EPS8: variants seen among roughly 807,000 people sequenced by gnomAD.
The protein encoded by EPS8 is EGFR pathway substrate 8, signaling adaptor, also known as epidermal growth factor receptor kinase substrate 8.
A neutral mutation model predicts 103.8 loss-of-function variants in EPS8; 42 were observed. The ratio of observed to expected loss-of-function variants is 0.40; its 90% confidence interval spans 0.32 to 0.52. EPS8 has a LOEUF of 0.52. EPS8 is among the 20% of genes least tolerant of loss of function. The pLI is 0.40. For missense variants in EPS8, 969 were observed against 1,005.1 expected, an observed-to-expected ratio of 0.96 and a Z score of 0.49; for synonymous variants, 344 against 344.6, an observed-to-expected ratio of 1.00 and a Z score of 0.02.
At chr12:15,711,334 A>G (rs187771129) in intron 1 of EPS8, among the ~76,000 whole-genome samples, 2 of 152,320 alleles carry the variant, frequency 1.3e-5, no homozygotes, top group Admixed American at 1.3e-4. Flanking sequence ...TATACAATTT[A>G]TGTCAGAACT....
chr12:15,766,896 A>G (rs938384193), intron 1 of EPS8, among the ~76,000 whole-genome samples: 8 of 152,208 alleles, frequency 5.3e-5, no homozygotes, highest in Non-Finnish European at 1.0e-4. Flanking sequence ...TCTAAATTCT[A>G]TAAGTATCCA....
chr12:15,763,433 C>T (rs1046317073), intron 1 of EPS8, among the ~76,000 whole-genome samples: 2 of 152,152 alleles, frequency 1.3e-5, no homozygotes, highest in African/African-American at 4.8e-5. Context: ...ACAGAAAGAG[C>T]CTGATCATTG....
At chr12:15,730,401 CT>C (rs556614512) in intron 1 of EPS8, among the ~76,000 whole-genome samples, 37 of 151,184 alleles carry the variant, frequency 2.4e-4, no homozygotes, top group African/African-American at 7.5e-4. Context: ...AAAAGCATGA[CT>C]TTTTTTTTAG....
At position 15,654,459 on chromosome 12, in the gene EPS8, A is replaced by G. The variant is rs149983358; in HGVS notation, c.1102-166T>C. On this transcript the variant is annotated intron_variant, in intron 12 of 20. Transcript: ENST00000281172. ...GAATGAAGAAAAGCTTGTCAAATCA[A>G]CTTGCCCAGCCCAGCAGTGCTTTAA... is the stretch of plus-strand genomic sequence containing the variant. 9.9e-5 allele frequency: 66 copies of G among 664,400 alleles called. No individual in the cohort carries two copies. The African/African-American group carries it at 1.1e-3, about 11-fold the overall frequency. 41.2% of individuals were successfully genotyped at this position (664,400 alleles called of 1,614,324 possible).
chr12:15,685,136 T>C (rs1253226219), intron 1 of EPS8, among the ~76,000 whole-genome samples: 1 of 152,220 alleles, frequency 6.6e-6, no homozygotes, highest in Admixed American at 6.5e-5. Context: ...TGCTACGTTC[T>C]ATAATTTGGG....
At chr12:15,692,519 T>C (rs1224355155) in intron 1 of EPS8, among the ~76,000 whole-genome samples, 1 of 152,048 alleles carries the variant, frequency 6.6e-6, no homozygotes, top group Non-Finnish European at 1.5e-5. Flanking sequence ...TACATTAGTA[T>C]GGGTGTTTTT....
At chr12:15,658,382 C>A in intron 11 of EPS8, 115 bp downstream of exon 11, 1 of 789,574 alleles carries the variant, frequency 1.3e-6, no homozygotes, top group Non-Finnish European at 2.0e-6. Flanking sequence ...ACATACACAC[C>A]CCCACAAAAT....
Position 15,772,129 on chromosome 12 carries a change from A to C in EPS8, c.-22+17032T>G, listed in dbSNP as rs764985604. The stretch of plus-strand genomic sequence containing the variant: ...GCTCTATCAGCCATTTGCTGACTCA[A>C]AAAGATTTAATGACTGTTGACATAT... On this transcript the variant is annotated intron_variant, in intron 1 of 20. Coordinates refer to ENST00000281172, the MANE Select transcript of EPS8 (RefSeq NM_004447.6). This position sits in a 1 kb window ranked among gnomAD's most constrained non-coding sequence, Gnocchi z 5.0. 1.6e-4 allele frequency among the ~76,000 whole-genome samples: 24 copies of C among 152,146 alleles called. No individual in the cohort carries two copies. The highest frequency in any genetic ancestry group is 2.8e-4 in the Non-Finnish European group (19 of 68,030).
chr12:15,623,174 T>C lies in EPS8; in HGVS notation c.2339A>G (p.Gln780Arg). Residue 780 changes from glutamine (Q) to arginine (R), a missense_variant, in exon 20 of 21, where the codon CAA becomes CGA. Physicochemically the swap from Gln to Arg is conservative, Grantham distance 43. Transcript: ENST00000281172. ...AAGTCATACCTCCAATGCAGCTTTT[T>C]GTACAGTGATTTGGCTATAGACTCT... ...GARVYSQITV[Q>R]KAALEDSSGS... 6.2e-7 allele frequency: 1 copy of C among 1,607,906 alleles called. No homozygotes were observed. Among genetic ancestry groups the C allele is most frequent in the Non-Finnish European group, 8.5e-7 (1 of 1,178,200 alleles).
intron 1 of EPS8, among the ~76,000 whole-genome samples, chr12:15,763,092 T>C (rs1249633676): frequency 6.6e-6 from 1 of 152,118 alleles, no homozygotes; most frequent in African/African-American, 2.4e-5. Flanking sequence ...CAAAAATACA[T>C]AATTTAAAAA....
chr12:15,658,112 A>G lies in EPS8; in HGVS notation c.1068T>C (p.Asp356=). ...KSHIQNPSAA[D]LVHFLFTPLN... Reference sequence around the variant, plus strand: ...ATGGAGTAAACAAAAAGTGAACCAAATCTGCAGCACTAGGATTCTGAATAT... The same window carrying G: ...ATGGAGTAAACAAAAAGTGAACCAAGTCTGCAGCACTAGGATTCTGAATAT... Residue 356 remains aspartate (D), a synonymous_variant, in exon 12 of 21, where the codon GAT becomes GAC. Coordinates refer to ENST00000281172, the MANE Select transcript of EPS8 (RefSeq NM_004447.6). 3.7e-6 allele frequency: 6 copies of G among 1,610,666 alleles called. No individual in the cohort carries two copies. Among genetic ancestry groups the G allele is most frequent in the Non-Finnish European group, 4.2e-6 (5 of 1,177,556 alleles).
intron 1 of EPS8, among the ~76,000 whole-genome samples, chr12:15,744,838 G>A (rs1946859497): frequency 1.3e-5 from 2 of 152,186 alleles, no homozygotes; most frequent in African/African-American, 4.8e-5. Flanking sequence ...TTGTGAACTA[G>A]CCTAAAAACT....
chr12:15,786,942 G>A (rs1453263787), intron 1 of EPS8, among the ~76,000 whole-genome samples: 2 of 151,992 alleles, frequency 1.3e-5, no homozygotes, highest in East Asian at 1.9e-4. Context: ...ATGTCCAAAA[G>A]TTTGTACCTT....
In EPS8 at chr12:15,647,134, T is replaced by C. The variant is rs1473605372; in HGVS notation, c.1561A>G (p.Ile521Val). ...VAFKPTSNRH[I>V]DRNYEPLKTQ... ...GTGCCCATTAAATGTTACCTATCTA[T>C]ATGGCGATTAGAAGTTGGCTTAAAA... Residue 521 changes from isoleucine (I) to valine (V), a missense_variant, in exon 15 of 21, where the codon ATA (isoleucine) becomes GTA (valine). Coordinates refer to ENST00000281172, the MANE Select transcript of EPS8 (RefSeq NM_004447.6). 8 of 1,613,594 alleles carry C rather than the reference T, an allele frequency of 5.0e-6. No individual in the cohort carries two copies. Among genetic ancestry groups the C allele is most frequent in the East Asian group, 2.2e-5 (1 of 44,880 alleles).
rs567307132 is a variant in EPS8 at position 15,734,731 on chromosome 12, CA to C, written c.-21-51760del. ...GTCTCAAAAACAAAAAACAAACAAA[CA>C]AAAAAAAACAAAAAAGATTCTCTGC... On this transcript the variant is annotated intron_variant, in intron 1 of 20. Transcript: ENST00000281172. The surrounding 1 kb of genome is among the most constrained non-coding windows in gnomAD (Gnocchi z 4.1). 3.3e-5 allele frequency among the ~76,000 whole-genome samples: 5 copies of C among 150,268 alleles called. No individual in the cohort carries two copies. The highest frequency in any genetic ancestry group is 1.9e-4 in the East Asian group (1 of 5,150).
In EPS8 at chr12:15,717,778, C is replaced by T. The variant is rs960267817; in HGVS notation, c.-21-34806G>A. Among the ~76,000 whole-genome samples the T allele has an allele frequency of 3.3e-5, 5 of 151,998 alleles. No individual in the cohort carries two copies. Among genetic ancestry groups the T allele is most frequent in the Admixed American group, 2.0e-4 (3 of 15,268 alleles). ...AAAATATTGATTTGAGAAAAATGAA[C>T]CGCAAAATTATGTAACAGGGAATAT... is the stretch of plus-strand genomic sequence containing the variant. On this transcript the variant is annotated intron_variant, in intron 1 of 20. Coordinates refer to ENST00000281172, the MANE Select transcript of EPS8 (RefSeq NM_004447.6). This position sits in a 1 kb window ranked among gnomAD's most constrained non-coding sequence, Gnocchi z 4.3.
At chr12:15,673,856 G>A (rs201453735) in intron 3 of EPS8, among the ~76,000 whole-genome samples, 17 of 152,092 alleles carry the variant, frequency 1.1e-4, no homozygotes, top group African/African-American at 2.7e-4. Flanking sequence ...TCTCTTTCTC[G>A]CTCAGAATCA....
chr12:15,713,395 T>C lies in EPS8; in HGVS notation c.-21-30423A>G, dbSNP rs1484164259. 2 of 152,238 alleles carry C rather than the reference T, an allele frequency of 1.3e-5. No homozygotes were observed. Among genetic ancestry groups the C allele is most frequent in the Non-Finnish European group, 2.9e-5 (2 of 68,042 alleles). The allele number at this position is 152,238 out of a possible 1,614,324, so 9.4% of individuals were successfully genotyped here. A position where few individuals can be genotyped will look rare whatever the true frequency, so the allele number is the denominator to read the frequency against. The stretch of plus-strand genomic sequence containing the variant: ...TTTACTTGCAATAAAGATAATTCCC[T>C]GATGCTAAACCAAAGCCAGAACTGA... On this transcript the variant is annotated intron_variant, in intron 1 of 20. Transcript: ENST00000281172. The surrounding 1 kb of genome is among the most constrained non-coding windows in gnomAD (Gnocchi z 4.8).
chr12:15,663,944 A>ATAATAAAAAT (rs1264237107), intron 8 of EPS8, among the ~76,000 whole-genome samples: 1 of 85,958 alleles, frequency 1.2e-5, no homozygotes, highest in East Asian at 3.6e-4. Flanking sequence ...AAAAAAAAAA[A>ATAATAAAAAT]AATAATATAT....
Sources: allele counts gnomAD v4.1 joint callset (sites outside exome capture counted in the v4.1 genomes callset), GRCh38; gene constraint gnomAD v4.1.1; non-coding constraint Gnocchi (gnomAD v3.1); transcripts MANE v1.5; gene names NCBI Gene and HGNC (gene_info 2026-07-23, HGNC 2026-07-21).